Variants in PHACTR1 observed in about 807,000 individuals in gnomAD.
PHACTR1 encodes RPEL repeat containing 1.
PHACTR1 carries 16 observed loss-of-function variants against 69.2 expected under a neutral mutation model. The observed-to-expected ratio is 0.23, with a 90% CI of 0.16 to 0.35. PHACTR1 has a LOEUF of 0.35. Among genes scored for constraint, PHACTR1 ranks in the 10% least tolerant of loss-of-function variants. The pLI, the probability that PHACTR1 is intolerant of heterozygous loss-of-function variation, is 1.00. For synonymous variants in PHACTR1, 312 were observed against 284.5 expected (o/e 1.10, Z -0.97); for missense variants, 510 against 734.7 (o/e 0.69, Z 3.54).
At chr6:13,044,293 C>G (rs917643730) in intron 4 of PHACTR1, among the ~76,000 whole-genome samples, 1 of 152,134 alleles carries the variant, frequency 6.6e-6, no homozygotes, top group African/African-American at 2.4e-5. Context: ...TATGAATCAT[C>G]ATTGTGACCT....
chr6:12,850,421 GA>G (rs1481460848), intron 4 of PHACTR1, among the ~76,000 whole-genome samples: 5 of 152,226 alleles, frequency 3.3e-5, no homozygotes, highest in African/African-American at 1.2e-4. Context: ...CACACAAGAT[GA>G]AATTTTTTGC....
chr6:13,067,979 T>G (rs537954263), intron 5 of PHACTR1, among the ~76,000 whole-genome samples: 54 of 152,272 alleles, frequency 3.5e-4, no homozygotes. Context: ...AAGTTTTTTG[T>G]GTTTTCTCTG....
In PHACTR1 at chr6:13,272,851, T is replaced by C. The variant is rs908177498; in HGVS notation, c.1392-9T>C. The C allele has an allele frequency of 6.2e-7, 1 of 1,614,104 alleles. No individual in the cohort carries two copies. The highest frequency in any genetic ancestry group is 8.5e-7 in the Non-Finnish European group (1 of 1,179,908). ...TGGTCCAAAAACTTTTCCTGGATTT[T>C]TTCCGTAGGCGGCTGAGCCAGAGGC... is the stretch of plus-strand genomic sequence containing the variant. On this transcript the variant is annotated splice_polypyrimidine_tract_variant and intron_variant, in intron 10 of 14. Transcript: ENST00000332995.
chr6:13,107,377 G>T (rs1386199485), intron 5 of PHACTR1, among the ~76,000 whole-genome samples: 4 of 152,222 alleles, frequency 2.6e-5, no homozygotes, highest in Non-Finnish European at 5.9e-5. Context: ...CTTCCAAAGT[G>T]CTGGGATTAT....
intron 4 of PHACTR1, among the ~76,000 whole-genome samples, chr6:13,004,128 A>T (rs1286716661): frequency 1.3e-5 from 2 of 151,202 alleles, no homozygotes; most frequent in Non-Finnish European, 2.9e-5. Flanking sequence ...TCCTTTGTGT[A>T]TACACTCAGT....
At chr6:12,775,131 C>G (rs1769890466) in intron 4 of PHACTR1, among the ~76,000 whole-genome samples, 1 of 152,024 alleles carries the variant, frequency 6.6e-6, no homozygotes, top group Non-Finnish European at 1.5e-5. Context: ...CAGGATGAAC[C>G]TAGTCTCCCT....
chr6:12,853,104 CT>C (rs1215378188), intron 4 of PHACTR1, among the ~76,000 whole-genome samples: 31 of 152,298 alleles, frequency 2.0e-4, no homozygotes, highest in African/African-American at 7.2e-4. Flanking sequence ...CCAGCACTGC[CT>C]ATTTCAATTC....
chr6:12,844,322 AG>A (rs1257007903), intron 4 of PHACTR1, among the ~76,000 whole-genome samples: 1 of 152,098 alleles, frequency 6.6e-6, no homozygotes, highest in East Asian at 1.9e-4. Flanking sequence ...CCTTGAGCCC[AG>A]GAAGTTGAGA....
chr6:12,947,311 A>C (rs911710406), intron 4 of PHACTR1, among the ~76,000 whole-genome samples: 2 of 151,164 alleles, frequency 1.3e-5, no homozygotes, highest in African/African-American at 4.9e-5. Context: ...TGGCTTCCCA[A>C]GTATAACCTG....
chr6:13,175,050 G>A (rs977769344), intron 6 of PHACTR1, among the ~76,000 whole-genome samples: 6 of 152,146 alleles, frequency 3.9e-5, no homozygotes, highest in African/African-American at 1.4e-4. Context: ...TCTCTCTGCT[G>A]TGTACAGAGC....
intron 4 of PHACTR1, among the ~76,000 whole-genome samples, chr6:12,793,717 T>C (rs981866198): frequency 2.6e-5 from 4 of 152,234 alleles, no homozygotes; most frequent in African/African-American, 9.6e-5. Flanking sequence ...CATAACACTC[T>C]GTTTTCCAAA....
intron 7 of PHACTR1, among the ~76,000 whole-genome samples, chr6:13,199,834 G>A (rs897863113): frequency 6.6e-6 from 1 of 151,934 alleles, no homozygotes; most frequent in Admixed American, 6.6e-5. Context: ...TTTACAAAAG[G>A]CTCAATGACA....
intron 4 of PHACTR1, among the ~76,000 whole-genome samples, chr6:12,765,475 A>G (rs1200497696): frequency 6.6e-6 from 1 of 152,194 alleles, no homozygotes; most frequent in Non-Finnish European, 1.5e-5. Context: ...GAGGGTATTG[A>G]CCACTTCCCC....
chr6:13,272,709 G>T, intron 10 of PHACTR1, 151 bp from the exon 11 acceptor site: 2 of 1,581,060 alleles, frequency 1.3e-6, no homozygotes, highest in Non-Finnish European at 1.7e-6. Flanking sequence ...AACTGAGGAG[G>T]CGGTGGTGGC....
At chr6:13,154,884 G>A (rs958705988) in intron 5 of PHACTR1, among the ~76,000 whole-genome samples, 3 of 151,534 alleles carry the variant, frequency 2.0e-5, no homozygotes, top group African/African-American at 4.8e-5. Flanking sequence ...CAAAATTATT[G>A]AGGAAGGAGG....
At chr6:13,023,530 C>T (rs1442518527) in intron 4 of PHACTR1, among the ~76,000 whole-genome samples, 2 of 152,196 alleles carry the variant, frequency 1.3e-5, no homozygotes, top group African/African-American at 4.8e-5. Flanking sequence ...AGCAGAGGCT[C>T]TTGGGGGGAA....
At chr6:12,963,463 AAAAC>A (rs904983959) in intron 4 of PHACTR1, among the ~76,000 whole-genome samples, 2 of 152,086 alleles carry the variant, frequency 1.3e-5, no homozygotes, top group Admixed American at 6.5e-5. Flanking sequence ...TTAAAAAAAA[AAAAC>A]AAACCAACTG....
chr6:13,184,875 A>G (rs77998548), intron 7 of PHACTR1: 12 of 1,366,534 alleles, frequency 8.8e-6, no homozygotes, highest in Non-Finnish European at 1.2e-5. Context: ...CAGTCCTGCT[A>G]CTGCCCCCCA....
chr6:13,030,164 T>C (rs1411864890), intron 4 of PHACTR1, among the ~76,000 whole-genome samples: 1 of 152,256 alleles, frequency 6.6e-6, no homozygotes, highest in Non-Finnish European at 1.5e-5. Context: ...TTTCCTTCTT[T>C]ATTTTCATTG....
Sources: gnomAD v4.1 joint callset for allele counts (sites outside exome capture counted in the v4.1 genomes callset) on GRCh38, gnomAD v4.1.1 for gene constraint, MANE v1.5 for transcripts, NCBI Gene and HGNC (gene_info 2026-07-23, HGNC 2026-07-21) for gene names.